XKR6: variants seen among roughly 807,000 people sequenced by gnomAD.
The protein encoded by XKR6 is XK-related protein 6.
XKR6 carries 22 observed loss-of-function variants against 56.7 expected under a neutral mutation model. The ratio of observed to expected loss-of-function variants is 0.39; its 90% CI spans 0.28 to 0.55. The LOEUF is 0.55. Among genes scored for constraint, XKR6 ranks in the 20% least tolerant of loss-of-function variants. The pLI is 0.66. For missense variants in XKR6, 852 were observed against 889.0 expected (o/e 0.96, Z 0.53); for synonymous variants, 524 against 387.8 (o/e 1.35, Z -4.13).
chr8:11,103,847 T>C (rs1209408118), intron 1 of XKR6, among the ~76,000 whole-genome samples: 1 of 152,228 alleles, frequency 6.6e-6, no homozygotes, highest in African/African-American at 2.4e-5. Flanking sequence ...GCATCTTTTC[T>C]CTGCTGCAAA....
In XKR6 at chr8:11,099,710, T is replaced by A. The variant is rs151216883; in HGVS notation, c.764+100866A>T. Among the ~76,000 whole-genome samples the A allele has an allele frequency of 1.7e-4, 26 of 152,286 alleles. No homozygotes were observed. The East Asian group carries it at 5.0e-3, about 29-fold the overall frequency. On this transcript the variant is annotated intron_variant, in intron 1 of 2. Coordinates refer to ENST00000416569, the MANE Select transcript of XKR6 (RefSeq NM_173683.4). ...AATGTGTCTCACGCATTGTTCTAGG[T>A]CTTGAAAAAACAGCCACCAACAAAA... is the stretch of plus-strand genomic sequence containing the variant.
At chr8:10,971,140 C>T (rs188157581) in intron 1 of XKR6, among the ~76,000 whole-genome samples, 219 of 151,362 alleles carry the variant, frequency 1.4e-3, no homozygotes, top group African/African-American at 5.1e-3. Context: ...TTACAAGCAG[C>T]GCCGGGCACG....
chr8:10,924,879 G>A, intron 1 of XKR6, 49 bp from the exon 2 acceptor site: 1 of 1,563,090 alleles, frequency 6.4e-7, no homozygotes, highest in African/African-American at 1.4e-5. Context: ...GGGTGCAGGG[G>A]CTCCAGAGGA....
At chr8:11,135,622 G>A (rs555575367) in intron 1 of XKR6, among the ~76,000 whole-genome samples, 1 of 151,950 alleles carries the variant, frequency 6.6e-6, no homozygotes, top group African/African-American at 2.4e-5. Flanking sequence ...AACTAAAATA[G>A]TGTGGTATGA....
chr8:11,040,254 C>G (rs1298471038), intron 1 of XKR6, among the ~76,000 whole-genome samples: 1 of 151,830 alleles, frequency 6.6e-6, no homozygotes, highest in Non-Finnish European at 1.5e-5. Flanking sequence ...ACTACCACAG[C>G]CTCACGCCTG....
At chr8:11,046,489 A>G (rs1186805125) in intron 1 of XKR6, among the ~76,000 whole-genome samples, 1 of 152,228 alleles carries the variant, frequency 6.6e-6, no homozygotes, top group Non-Finnish European at 1.5e-5. Flanking sequence ...TGAACATTAT[A>G]ATGTTCCTAG....
chr8:10,996,771 G>T (rs1460224470), intron 1 of XKR6, among the ~76,000 whole-genome samples: 1 of 152,134 alleles, frequency 6.6e-6, no homozygotes, highest in Non-Finnish European at 1.5e-5. Flanking sequence ...CTAGCACTTT[G>T]AGGGGCCAAG....
At chr8:11,073,209 C>T (rs1412813689) in intron 1 of XKR6, among the ~76,000 whole-genome samples, 5 of 152,108 alleles carry the variant, frequency 3.3e-5, no homozygotes, top group Non-Finnish European at 2.9e-5. Context: ...CTGTGGAATC[C>T]ATGTGTCCTT....
At chr8:11,089,889 T>G (rs116957888) in intron 1 of XKR6, among the ~76,000 whole-genome samples, 100 of 152,316 alleles carry the variant, frequency 6.6e-4, no homozygotes, top group Non-Finnish European at 1.3e-3. Flanking sequence ...GATATATACT[T>G]ATTCATATGC....
At chr8:11,087,415 G>C (rs1797925433) in intron 1 of XKR6, among the ~76,000 whole-genome samples, 1 of 152,192 alleles carries the variant, frequency 6.6e-6, no homozygotes, top group Non-Finnish European at 1.5e-5. Flanking sequence ...AATCTCAGCA[G>C]TCCCATTCCT....
intron 1 of XKR6, among the ~76,000 whole-genome samples, chr8:11,039,808 C>A (rs1212522480): frequency 6.6e-6 from 1 of 152,226 alleles, no homozygotes; most frequent in Non-Finnish European, 1.5e-5. Flanking sequence ...ATACAGCCCC[C>A]ACCTGACAAG....
chr8:11,167,448 C>A (rs550235358), intron 1 of XKR6, among the ~76,000 whole-genome samples: 58 of 152,294 alleles, frequency 3.8e-4, no homozygotes, highest in Non-Finnish European at 6.0e-4. Flanking sequence ...GCTTAAAACT[C>A]AAAACTCATC....
At chr8:10,971,377 C>G (rs1802405452) in intron 1 of XKR6, among the ~76,000 whole-genome samples, 1 of 151,962 alleles carries the variant, frequency 6.6e-6, no homozygotes, top group Non-Finnish European at 1.5e-5. Flanking sequence ...GCCAAGATCG[C>G]ACCACTGCAC....
chr8:10,941,927 A>G (rs1236244613), intron 1 of XKR6, among the ~76,000 whole-genome samples: 2 of 151,860 alleles, frequency 1.3e-5, no homozygotes, highest in Non-Finnish European at 2.9e-5. Context: ...TGTGGGCTGC[A>G]CTCCGACCCC....
At position 10,963,235 on chromosome 8, in the gene XKR6, G is replaced by A. The variant is rs1041988907; in HGVS notation, c.765-38405C>T. ...GGCTGCAGCCACACCGGCAGCTGTC[G>A]GCTCTGACTGGCTCTGCCTCAGGGC... On this transcript the variant is annotated intron_variant, in intron 1 of 2. Coordinates refer to ENST00000416569, the MANE Select transcript of XKR6 (RefSeq NM_173683.4). 6.6e-5 allele frequency among the ~76,000 whole-genome samples: 10 copies of A among 152,340 alleles called. No individual in the cohort carries two copies. In the East Asian group the frequency reaches 1.9e-3, roughly 29 times the overall value.
Position 11,019,433 on chromosome 8 carries a change from C to G in XKR6, c.765-94603G>C, listed in dbSNP as rs1456679981. Among the ~76,000 whole-genome samples, 3 of 152,250 alleles carry G rather than the reference C, an allele frequency of 2.0e-5. No individual in the cohort carries two copies. In the East Asian group the frequency reaches 5.8e-4, roughly 29 times the overall value. On this transcript the variant is annotated intron_variant, in intron 1 of 2. Coordinates refer to ENST00000416569, the MANE Select transcript of XKR6 (RefSeq NM_173683.4). ...GGACCACCCATTGTAACTATTCTTC[C>G]TCCATCCCACCTCTTCAGAGCTGTG...
At chr8:11,052,830 G>A (rs1216959524) in intron 1 of XKR6, among the ~76,000 whole-genome samples, 38 of 151,428 alleles carry the variant, frequency 2.5e-4, no homozygotes, top group Admixed American at 1.3e-4. Flanking sequence ...TCTGCTGCCC[G>A]CCGTCCTCCC....
chr8:10,943,572 C>T lies in XKR6; in HGVS notation c.765-18742G>A, dbSNP rs761100470. 7.9e-5 allele frequency among the ~76,000 whole-genome samples: 12 copies of T among 152,128 alleles called. No individual in the cohort carries two copies. In the South Asian group the frequency reaches 8.3e-4, roughly 11 times the overall value. On this transcript the variant is annotated intron_variant, in intron 1 of 2. Transcript: ENST00000416569. ...CAAGCTCCCCGCCACATGCCTGCTCCTTGACCTGGTGAAATTCCACCCCTC... is the reference window on the plus strand; with the variant it reads ...CAAGCTCCCCGCCACATGCCTGCTCTTTGACCTGGTGAAATTCCACCCCTC...
At chr8:10,905,229 C>T (rs1431293125) in intron 2 of XKR6, among the ~76,000 whole-genome samples, 1 of 152,180 alleles carries the variant, frequency 6.6e-6, no homozygotes, top group Admixed American at 6.5e-5. Context: ...ACTCTCCCAC[C>T]ACCTGCTTTC....
Sources: allele counts gnomAD v4.1 joint callset (sites outside exome capture counted in the v4.1 genomes callset), GRCh38; gene constraint gnomAD v4.1.1; transcripts MANE v1.5; gene names NCBI Gene and HGNC (gene_info 2026-07-23, HGNC 2026-07-21).